AMPH: variants seen among roughly 807,000 people sequenced by gnomAD.
AMPH encodes amphiphysin, also known as amphiphysin (Stiff-Mann syndrome with breast cancer 128kD autoantigen).
In AMPH, 49 loss-of-function variants were observed where a neutral mutation model predicts 99.1. The observed-to-expected ratio is 0.49, with a 90% CI of 0.39 to 0.63. The LOEUF is 0.63. Among genes scored for constraint, AMPH ranks in the 20% least tolerant of loss-of-function variants. The probability of loss-of-function intolerance (pLI) is 0.00; values close to 1 mark genes in which losing one functional copy is unlikely to be tolerated. For missense variants in AMPH, 759 were observed against 863.4 expected (o/e 0.88, Z 1.52); for synonymous variants, 314 against 317.3 (o/e 0.99, Z 0.11).
At chr7:38,440,048 C>T (rs978017019) in intron 11 of AMPH, among the ~76,000 whole-genome samples, 8 of 152,096 alleles carry the variant, frequency 5.3e-5, no homozygotes, top group African/African-American at 1.4e-4. Flanking sequence ...GTTTGTATTC[C>T]GCCATTCACC....
chr7:38,413,371 GAA>G (rs34008192), intron 17 of AMPH, among the ~76,000 whole-genome samples: 14 of 151,176 alleles, frequency 9.3e-5, no homozygotes, highest in East Asian at 5.9e-4. Context: ...GTATCTGAAT[GAA>G]AAAAAAAAGA....
At chr7:38,543,823 C>T (rs1320598137) in intron 1 of AMPH, among the ~76,000 whole-genome samples, 2 of 152,124 alleles carry the variant, frequency 1.3e-5, no homozygotes, top group African/African-American at 2.4e-5. Flanking sequence ...TCAAAAAAAT[C>T]CAGGCGATTC....
At chr7:38,549,527 G>C (rs527405284) in intron 1 of AMPH, among the ~76,000 whole-genome samples, 1 of 152,220 alleles carries the variant, frequency 6.6e-6, no homozygotes, top group Non-Finnish European at 1.5e-5. Context: ...CTGAAAATGT[G>C]ATGAGTTATT....
chr7:38,419,403 T>C (rs1785507584), intron 16 of AMPH, among the ~76,000 whole-genome samples: 1 of 152,084 alleles, frequency 6.6e-6, no homozygotes, highest in South Asian at 2.1e-4. Flanking sequence ...AAGGACATAA[T>C]AAATTCAAGG....
chr7:38,422,677 T>C (rs2128989396), intron 15 of AMPH, among the ~76,000 whole-genome samples, 200 bp from the exon 16 acceptor site: 1 of 152,148 alleles, frequency 6.6e-6, no homozygotes, highest in East Asian at 1.9e-4. Flanking sequence ...GGCTGGAGTA[T>C]AGTGGTATGA....
chr7:38,398,987 G>C (rs2392568), intron 17 of AMPH, among the ~76,000 whole-genome samples: 8,838 of 152,010 alleles, frequency 0.058, 358 homozygotes, highest in East Asian at 0.19. Context: ...CACCTCAGCT[G>C]TGATTTTTGT....
intron 14 of AMPH, chr7:38,429,158 G>A (rs1785902481): frequency 1.6e-6 from 2 of 1,289,756 alleles, no homozygotes; most frequent in South Asian, 2.5e-5. Context: ...CTTTGAACAG[G>A]CCAGCTGTGT....
At chr7:38,505,152 C>T (rs532310317) in intron 2 of AMPH, among the ~76,000 whole-genome samples, 1 of 152,170 alleles carries the variant, frequency 6.6e-6, no homozygotes, top group Non-Finnish European at 1.5e-5. Flanking sequence ...AGTACAAAAA[C>T]AAAATGTCCA....
intron 15 of AMPH, among the ~76,000 whole-genome samples, chr7:38,423,579 A>T (rs561278595): frequency 1.3e-5 from 2 of 152,340 alleles, no homozygotes; most frequent in South Asian, 4.1e-4. Flanking sequence ...AATGAAAAGA[A>T]TGAGAAGAAA....
At chr7:38,399,926 T>G (rs1784794937) in intron 17 of AMPH, among the ~76,000 whole-genome samples, 1 of 152,200 alleles carries the variant, frequency 6.6e-6, no homozygotes, top group Admixed American at 6.5e-5. Flanking sequence ...ACATATTTAC[T>G]ATATCCATGA....
At chr7:38,402,473 G>T (rs1315440809) in intron 17 of AMPH, among the ~76,000 whole-genome samples, 1 of 152,200 alleles carries the variant, frequency 6.6e-6, no homozygotes, top group Non-Finnish European at 1.5e-5. Flanking sequence ...GTTTACAGTA[G>T]ACGTGGAAAC....
chr7:38,475,095 T>C (rs970061980), intron 7 of AMPH, among the ~76,000 whole-genome samples: 7 of 152,190 alleles, frequency 4.6e-5, no homozygotes, highest in Admixed American at 6.5e-5. Flanking sequence ...TATAAATAAA[T>C]TAGAACAAAA....
At chr7:38,532,004 C>T (rs1359065056) in intron 2 of AMPH, among the ~76,000 whole-genome samples, 3 of 152,140 alleles carry the variant, frequency 2.0e-5, no homozygotes, top group African/African-American at 7.2e-5. Flanking sequence ...AATGTTTCTA[C>T]ATAAGTACCA....
chr7:38,564,984 C>T (rs1023867348), intron 1 of AMPH, among the ~76,000 whole-genome samples: 25 of 151,706 alleles, frequency 1.6e-4, no homozygotes, highest in South Asian at 4.2e-4. Context: ...ATTAGCCGGG[C>T]GTGGTGGCGG....
chr7:38,416,329 T>C (rs1027368426), intron 17 of AMPH, among the ~76,000 whole-genome samples: 3 of 151,968 alleles, frequency 2.0e-5, no homozygotes, highest in African/African-American at 7.2e-5. Context: ...CACAGTAGCT[T>C]GTCTATTCCA....
chr7:38,486,495 T>A (rs75425098), intron 5 of AMPH, among the ~76,000 whole-genome samples: 2,012 of 152,032 alleles, frequency 0.013, 47 homozygotes, highest in African/African-American at 0.045. Context: ...ATTGGCAAAT[T>A]CTACCAAACA....
chr7:38,489,255 C>T (rs543752782), intron 5 of AMPH, among the ~76,000 whole-genome samples: 1 of 152,170 alleles, frequency 6.6e-6, no homozygotes, highest in Admixed American at 6.5e-5. Flanking sequence ...AGGCAGTCTC[C>T]TCAATAAATG....
intron 2 of AMPH, among the ~76,000 whole-genome samples, chr7:38,530,064 C>T (rs1483630694): frequency 6.6e-6 from 1 of 152,186 alleles, no homozygotes. Flanking sequence ...TCTCTTCCAT[C>T]CCAGAAATAA....
chr7:38,514,711 C>A (rs1306581311), intron 2 of AMPH, among the ~76,000 whole-genome samples: 1 of 152,174 alleles, frequency 6.6e-6, no homozygotes, highest in Non-Finnish European at 1.5e-5. Context: ...GTCCTTCTGC[C>A]AATGTCTGAG....
Sources: gnomAD v4.1 joint callset for allele counts (sites outside exome capture counted in the v4.1 genomes callset) on GRCh38, gnomAD v4.1.1 for gene constraint, MANE v1.5 for transcripts, NCBI Gene and HGNC (gene_info 2026-07-23, HGNC 2026-07-21) for gene names.